PABPC4L: variants seen among roughly 807,000 people sequenced by gnomAD.
The protein encoded by PABPC4L is polyadenylate-binding protein 4-like.
For missense variants in PABPC4L, 452 were observed against 451.4 expected, an observed-to-expected ratio of 1.00 and a Z score of -0.01; for synonymous variants, 169 against 164.1, an observed-to-expected ratio of 1.03 and a Z score of -0.23.
the PABPC4L span, among the ~76,000 whole-genome samples, chr4:134,096,599 G>A: frequency 2.6e-5 from 4 of 151,862 alleles, no homozygotes; most frequent in African/African-American, 9.7e-5. Flanking sequence ...CAAAGACAAT[G>A]TCTACTATCT....
the PABPC4L span, among the ~76,000 whole-genome samples, chr4:134,152,622 C>A: frequency 2.6e-5 from 4 of 152,252 alleles, no homozygotes; most frequent in East Asian, 7.7e-4. Flanking sequence ...ACAGCTTATG[C>A]CCTCCAAACG....
At chr4:134,059,283 G>C in the PABPC4L span, among the ~76,000 whole-genome samples, 1 of 151,068 alleles carries the variant, frequency 6.6e-6, no homozygotes, top group Admixed American at 6.6e-5. Context: ...TATACTTAAA[G>C]GTTCGTCGGA....
At chr4:133,961,979 A>G in the PABPC4L span, among the ~76,000 whole-genome samples, 46 of 152,292 alleles carry the variant, frequency 3.0e-4, no homozygotes, top group African/African-American at 1.1e-3. Flanking sequence ...TCACAGAACA[A>G]GGGGCTTGCC....
At position 134,196,391 on chromosome 4, in the gene PABPC4L, T is replaced by A. The variant is rs2125706927; in HGVS notation, c.*3516A>T. On this transcript the variant is annotated 3_prime_UTR_variant, in exon 2 of 2. Coordinates refer to ENST00000421491, the MANE Select transcript of PABPC4L (RefSeq NM_001114734.2). The stretch of plus-strand genomic sequence containing the variant: ...TTTTCTCAGTGGATCTATAACAATA[T>A]TGAGAACATGAAAATGACAATATTA... The A allele has an allele frequency of 6.6e-6, 1 of 151,872 alleles. No homozygotes were observed. The highest frequency in any genetic ancestry group is 2.1e-4 in the South Asian group (1 of 4,820). The allele number at this position is 151,872 out of a possible 1,614,324, so 9.4% of individuals were successfully genotyped here. A position where few individuals can be genotyped will look rare whatever the true frequency, so the allele number is the denominator to read the frequency against.
the PABPC4L span, among the ~76,000 whole-genome samples, chr4:133,999,320 C>T: frequency 6.6e-6 from 1 of 152,046 alleles, no homozygotes; most frequent in South Asian, 2.1e-4. Context: ...TCAACCCCTA[C>T]AGAAGCAAAA....
the PABPC4L span, among the ~76,000 whole-genome samples, chr4:134,120,908 T>A: frequency 6.6e-6 from 1 of 151,356 alleles, no homozygotes; most frequent in African/African-American, 2.4e-5. Context: ...AAATTGTTTT[T>A]CTCCTCTCTC....
At chr4:134,079,332 A>G in the PABPC4L span, among the ~76,000 whole-genome samples, 1 of 151,368 alleles carries the variant, frequency 6.6e-6, no homozygotes, top group African/African-American at 2.4e-5. Flanking sequence ...CTGTAATTCC[A>G]GCACTTTGGG....
the PABPC4L span, among the ~76,000 whole-genome samples, chr4:133,963,476 C>T: frequency 6.6e-6 from 1 of 151,980 alleles, no homozygotes; most frequent in Non-Finnish European, 1.5e-5. Flanking sequence ...TTAAAATATA[C>T]CTTGGAATGA....
chr4:133,975,387 T>C, the PABPC4L span, among the ~76,000 whole-genome samples: 1 of 152,092 alleles, frequency 6.6e-6, no homozygotes, highest in Non-Finnish European at 1.5e-5. Context: ...TTTTGGGTGA[T>C]GAAAATTTTC....
At chr4:133,975,431 A>T in the PABPC4L span, among the ~76,000 whole-genome samples, 1 of 152,090 alleles carries the variant, frequency 6.6e-6, no homozygotes, top group Non-Finnish European at 1.5e-5. Flanking sequence ...CCACCTTCTG[A>T]ATATACTAAA....
chr4:134,191,274 T>C, the PABPC4L span, among the ~76,000 whole-genome samples: 1 of 152,120 alleles, frequency 6.6e-6, no homozygotes, highest in Non-Finnish European at 1.5e-5. Flanking sequence ...GCTTATTCTA[T>C]GTGTTTCAAC....
chr4:134,109,618 T>C, the PABPC4L span, among the ~76,000 whole-genome samples: 1 of 151,748 alleles, frequency 6.6e-6, no homozygotes, highest in Non-Finnish European at 1.5e-5. Flanking sequence ...TTCTAAAGAC[T>C]CCCACTGATA....
the PABPC4L span, among the ~76,000 whole-genome samples, chr4:134,127,894 T>TA: frequency 6.6e-6 from 1 of 151,126 alleles, no homozygotes; most frequent in Non-Finnish European, 1.5e-5. Flanking sequence ...CTTAAAGAAA[T>TA]AAAAAAAGAA....
the PABPC4L span, among the ~76,000 whole-genome samples, chr4:134,149,428 G>A: frequency 1.3e-5 from 2 of 152,090 alleles, no homozygotes; most frequent in African/African-American, 4.8e-5. Context: ...TTATTCCTGA[G>A]TTTCTAAATA....
the PABPC4L span, among the ~76,000 whole-genome samples, chr4:134,165,845 C>T: frequency 3.5e-4 from 54 of 152,250 alleles, no homozygotes; most frequent in Middle Eastern, 3.4e-3. Flanking sequence ...GTATGCTTAT[C>T]ATAGCGCCAT....
the PABPC4L span, among the ~76,000 whole-genome samples, chr4:133,962,690 T>G: frequency 2.2e-3 from 329 of 152,216 alleles, 10 homozygotes; most frequent in East Asian, 0.061. Flanking sequence ...GGGATTGGGG[T>G]CCTATCTTTA....
the PABPC4L span, among the ~76,000 whole-genome samples, chr4:133,992,003 T>C: frequency 6.6e-6 from 1 of 152,174 alleles, no homozygotes; most frequent in African/African-American, 2.4e-5. Flanking sequence ...GTTACTGGAA[T>C]TATGATATGT....
chr4:134,101,861 A>G, the PABPC4L span, among the ~76,000 whole-genome samples: 1 of 151,494 alleles, frequency 6.6e-6, no homozygotes, highest in Non-Finnish European at 1.5e-5. Context: ...TATCCCTTCA[A>G]TTCCCATCTG....
chr4:134,047,664 G>A, the PABPC4L span, among the ~76,000 whole-genome samples: 95 of 152,162 alleles, frequency 6.2e-4, no homozygotes, highest in African/African-American at 2.3e-3. Flanking sequence ...ACATAGCCCT[G>A]GGTAGGAAGG....
Sources: gnomAD v4.1 joint callset for allele counts (sites outside exome capture counted in the v4.1 genomes callset) on GRCh38, gnomAD v4.1.1 for gene constraint, MANE v1.5 for transcripts, NCBI Gene and HGNC (gene_info 2026-07-23, HGNC 2026-07-21) for gene names.